RNF38: variants seen among roughly 807,000 people sequenced by gnomAD.
RNF38 encodes ring finger protein 38, also known as E3 ubiquitin-protein ligase RNF38.
A neutral mutation model predicts 67.2 loss-of-function variants in RNF38; 15 were observed. That is an observed-to-expected ratio of 0.22 (90% CI 0.15 to 0.34). The LOEUF (loss-of-function observed/expected upper bound fraction) is 0.34, where lower values mean the gene tolerates loss of function less well. Ranked by LOEUF, RNF38 falls within the 10% of genes least tolerant of loss-of-function variation. The pLI, the probability that RNF38 is intolerant of heterozygous loss-of-function variation, is 1.00. For missense variants in RNF38, 524 were observed against 639.9 expected, an observed-to-expected ratio of 0.82 and a Z score of 1.95; for synonymous variants, 220 against 218.8, an observed-to-expected ratio of 1.01 and a Z score of -0.05.
intron 1 of RNF38, among the ~76,000 whole-genome samples, chr9:36,485,304 GTA>G (rs1156313770): frequency 2.0e-5 from 3 of 150,276 alleles, no homozygotes; most frequent in South Asian, 2.1e-4. Flanking sequence ...ATCTCTTAGG[GTA>G]TATATACACA....
intron 1 of RNF38, among the ~76,000 whole-genome samples, chr9:36,469,815 C>T (rs1266449619): frequency 1.3e-5 from 2 of 151,776 alleles, no homozygotes; most frequent in Non-Finnish European, 2.9e-5. Context: ...GTCTCTACTA[C>T]AAAATACAAA....
chr9:36,446,891 T>G (rs1587151194), intron 1 of RNF38, among the ~76,000 whole-genome samples: 5 of 112,064 alleles, frequency 4.5e-5, no homozygotes, highest in Admixed American at 2.0e-4. Context: ...GAGGCTGAGG[T>G]GGGCGGATCA....
intron 9 of RNF38, among the ~76,000 whole-genome samples, chr9:36,349,363 C>T (rs1185443219): frequency 6.6e-6 from 1 of 152,170 alleles, no homozygotes; most frequent in Non-Finnish European, 1.5e-5. Flanking sequence ...TTTTGATTTA[C>T]ATTTCCCTGA....
At chr9:36,474,812 A>T (rs1395020327) in intron 1 of RNF38, among the ~76,000 whole-genome samples, 1 of 148,246 alleles carries the variant, frequency 6.7e-6, no homozygotes, top group African/African-American at 2.5e-5. Context: ...GAGGCATTAT[A>T]GGCTGAAGTA....
intron 3 of RNF38, among the ~76,000 whole-genome samples, chr9:36,372,186 C>T (rs113805180): frequency 1.5e-3 from 229 of 152,314 alleles, no homozygotes; most frequent in Middle Eastern, 6.8e-3. Flanking sequence ...ACCTCAGCCT[C>T]CCAAAGTGCT....
chr9:36,486,652 AC>A (rs1161215098), intron 1 of RNF38, among the ~76,000 whole-genome samples: 1 of 152,016 alleles, frequency 6.6e-6, no homozygotes, highest in Non-Finnish European at 1.5e-5. Context: ...AACGGTCCCC[AC>A]GATAAGAAGT....
chr9:36,466,649 T>C (rs990077764), intron 1 of RNF38, among the ~76,000 whole-genome samples: 1 of 152,180 alleles, frequency 6.6e-6, no homozygotes, highest in Non-Finnish European at 1.5e-5. Context: ...AACATTATTA[T>C]AAAGTGGGAA....
chr9:36,466,835 A>AT (rs1326928359), intron 1 of RNF38, among the ~76,000 whole-genome samples: 4 of 151,928 alleles, frequency 2.6e-5, no homozygotes, highest in Non-Finnish European at 5.9e-5. Context: ...TGCCATGTAT[A>AT]TTTTTGTAAT....
upstream of RNF38, among the ~76,000 whole-genome samples, chr9:36,405,903 G>T (rs1838166631): frequency 6.6e-6 from 1 of 152,078 alleles, no homozygotes; most frequent in African/African-American, 2.4e-5. Flanking sequence ...TCTGTCAAAT[G>T]GTAAATATAC....
chr9:36,471,592 G>A (rs1049599401), intron 1 of RNF38, among the ~76,000 whole-genome samples: 1 of 152,122 alleles, frequency 6.6e-6, no homozygotes, highest in African/African-American at 2.4e-5. Flanking sequence ...CTGAGCCCAG[G>A]AGTTCCAGGC....
chr9:36,440,871 A>G (rs983788935), intron 1 of RNF38, among the ~76,000 whole-genome samples: 21 of 152,248 alleles, frequency 1.4e-4, no homozygotes, highest in African/African-American at 5.1e-4. Context: ...ATACTTTGGG[A>G]GGCTGAGCTG....
intron 4 of RNF38, among the ~76,000 whole-genome samples, chr9:36,366,182 T>C (rs1834941666): frequency 6.6e-6 from 1 of 152,130 alleles, no homozygotes; most frequent in African/African-American, 2.4e-5. Flanking sequence ...GACCCTATCA[T>C]TTAAAAAAAA....
intron 1 of RNF38, among the ~76,000 whole-genome samples, chr9:36,484,888 C>T (rs546951477): frequency 2.6e-5 from 4 of 152,158 alleles, no homozygotes; most frequent in African/African-American, 9.6e-5. Flanking sequence ...ATGTATTGGC[C>T]GGGCGCGGTG....
intron 2 of RNF38, among the ~76,000 whole-genome samples, chr9:36,386,445 TTCTC>T (rs2133972144): frequency 6.6e-6 from 1 of 152,366 alleles, no homozygotes; most frequent in African/African-American, 2.4e-5. Flanking sequence ...CCTGGCATAT[TTCTC>T]TATGTGTATA....
Position 36,337,465 on chromosome 9 carries a change from A to G in RNF38, c.*2287T>C, listed in dbSNP as rs577424657. 6.6e-6 allele frequency: 1 copy of G among 152,670 alleles called. No homozygotes were observed. Among genetic ancestry groups the G allele is most frequent in the South Asian group, 2.1e-4 (1 of 4,814 alleles). 9.5% of individuals were successfully genotyped at this position (152,670 alleles called of 1,614,324 possible). A position where few individuals can be genotyped will look rare whatever the true frequency, so the allele number is the denominator to read the frequency against. ...TAGAGGGAGAGAAGAAAAAGCTGCT[A>G]CTCCTAGTCATTAGTACAATGTGCT... On this transcript the variant is annotated 3_prime_UTR_variant, in exon 12 of 12. Coordinates refer to ENST00000259605, the MANE Select transcript of RNF38 (RefSeq NM_022781.5).
chr9:36,368,816 T>C (rs1007653114), intron 4 of RNF38, among the ~76,000 whole-genome samples: 1 of 152,178 alleles, frequency 6.6e-6, no homozygotes, highest in African/African-American at 2.4e-5. Flanking sequence ...TTTTGGTTTA[T>C]AAACTCACAA....
chr9:36,441,726 AAAC>A (rs56118912), intron 1 of RNF38, among the ~76,000 whole-genome samples: 6 of 151,802 alleles, frequency 4.0e-5, no homozygotes, highest in African/African-American at 1.4e-4. Context: ...CCTCAATTAA[AAAC>A]AACAACTTGT....
At chr9:36,465,858 G>A (rs2134392961) in intron 1 of RNF38, among the ~76,000 whole-genome samples, 1 of 152,104 alleles carries the variant, frequency 6.6e-6, no homozygotes, top group East Asian at 2.0e-4. Context: ...GGACCATCCT[G>A]GCTAACACGG....
intron 2 of RNF38, among the ~76,000 whole-genome samples, chr9:36,415,042 G>C (rs1453933392): frequency 6.6e-6 from 1 of 152,120 alleles, no homozygotes; most frequent in Non-Finnish European, 1.5e-5. Flanking sequence ...TTTTTGCAAT[G>C]CATTTCCCAG....
Sources: allele counts gnomAD v4.1 joint callset (sites outside exome capture counted in the v4.1 genomes callset), GRCh38; gene constraint gnomAD v4.1.1; transcripts MANE v1.5; gene names NCBI Gene and HGNC (gene_info 2026-07-23, HGNC 2026-07-21).